Variants in NEMP2 observed in about 807,000 individuals in gnomAD.
The protein encoded by NEMP2 is UPF0571 transmembrane protein.
In NEMP2, 53 loss-of-function variants were observed where a neutral mutation model predicts 54.2. The ratio of observed to expected loss-of-function variants is 0.98; its 90% CI spans 0.78 to 1.23. The LOEUF is 1.23. NEMP2 is among the 50% of genes most tolerant of loss of function. The pLI is 0.00. For synonymous variants in NEMP2, 197 were observed against 190.3 expected (o/e 1.04, Z -0.29); for missense variants, 455 against 511.3 (o/e 0.89, Z 1.06).
chr2:190,481,675 T>C, the NEMP2 span, among the ~76,000 whole-genome samples: 1 of 152,260 alleles, frequency 6.6e-6, no homozygotes. Context: ...TAGCAGGCTA[T>C]CTGGCACATA....
chr2:190,578,879 G>T, the NEMP2 span, among the ~76,000 whole-genome samples: 1 of 152,134 alleles, frequency 6.6e-6, no homozygotes, highest in Non-Finnish European at 1.5e-5. This position sits in a 1 kb window ranked among gnomAD's most constrained non-coding sequence, Gnocchi z 4.4. Flanking sequence ...CTCCTTTGTG[G>T]GAACGGATCA....
the NEMP2 span, among the ~76,000 whole-genome samples, chr2:190,429,774 C>A: frequency 6.6e-6 from 1 of 151,922 alleles, no homozygotes; most frequent in South Asian, 2.1e-4. Context: ...GACTTTTAAA[C>A]CTATAATCTA....
chr2:190,423,966 G>GT, the NEMP2 span, among the ~76,000 whole-genome samples: 1 of 152,072 alleles, frequency 6.6e-6, no homozygotes, highest in African/African-American at 2.4e-5. This position sits in a 1 kb window ranked among gnomAD's most constrained non-coding sequence, Gnocchi z 4.3. Flanking sequence ...GTCCCTTCAC[G>GT]TTTTTTGTCC....
At chr2:190,502,690 CTGCTGAGGTACTGAGACCAT>C (rs1426346607), downstream of NEMP2, among the ~76,000 whole-genome samples, 4 of 152,216 alleles carry the variant, frequency 2.6e-5, no homozygotes, top group Admixed American at 2.6e-4. This position sits in a 1 kb window ranked among gnomAD's most constrained non-coding sequence, Gnocchi z 4.4. Flanking sequence ...CCTTCCAGTA[CTGCTGAGGTACTGAGACCAT>C]TACTTAGGCA....
At chr2:190,588,169 T>C in the NEMP2 span, among the ~76,000 whole-genome samples, 1 of 152,146 alleles carries the variant, frequency 6.6e-6, no homozygotes, top group Non-Finnish European at 1.5e-5. The surrounding 1 kb of genome is among the most constrained non-coding windows in gnomAD (Gnocchi z 5.0). Flanking sequence ...TCTCAGACAT[T>C]TTTGCAGTGG....
At chr2:190,463,235 C>A in the NEMP2 span, among the ~76,000 whole-genome samples, 1 of 152,130 alleles carries the variant, frequency 6.6e-6, no homozygotes, top group Non-Finnish European at 1.5e-5. This position sits in a 1 kb window ranked among gnomAD's most constrained non-coding sequence, Gnocchi z 4.4. Context: ...TCTTTCAAGG[C>A]CTATCCTTTA....
In NEMP2 at chr2:190,519,091, T is replaced by C. The variant is rs1355228086; in HGVS notation, c.306A>G (p.Lys102=). The C allele has an allele frequency of 6.4e-7, 1 of 1,551,166 alleles. No homozygotes were observed. Among genetic ancestry groups the C allele is most frequent in the Admixed American group, 2.0e-5 (1 of 51,006 alleles). The change falls in exon 3 of 9, where the codon AAA becomes AAG. Residue 102 remains lysine (K), a synonymous_variant. Coordinates refer to ENST00000409150, the MANE Select transcript of NEMP2 (RefSeq NM_001142645.2). This position sits in a 1 kb window ranked among gnomAD's most constrained non-coding sequence, Gnocchi z 5.4. ...GTATCCAAAAGTTATGAATCACACA[T>C]TTGATAAAAGATAGAATGTTTTCTG... ...QYPENILSFI[K]CVIHNFWIPK...
the NEMP2 span, among the ~76,000 whole-genome samples, chr2:190,434,651 C>A: frequency 2.0e-5 from 3 of 152,126 alleles, no homozygotes; most frequent in Admixed American, 6.5e-5. This position sits in a 1 kb window ranked among gnomAD's most constrained non-coding sequence, Gnocchi z 4.3. Context: ...CCAGGATGGT[C>A]TCAATCTCCT....
the NEMP2 span, chr2:190,624,533 C>T: frequency 2.6e-5 from 4 of 152,170 alleles, no homozygotes; most frequent in Admixed American, 2.0e-4. Flanking sequence ...ACTCTATTCA[C>T]AATAGCCAAG....
At chr2:190,619,568 G>A in the NEMP2 span, among the ~76,000 whole-genome samples, 2 of 151,984 alleles carry the variant, frequency 1.3e-5, no homozygotes, top group Non-Finnish European at 2.9e-5. This position sits in a 1 kb window ranked among gnomAD's most constrained non-coding sequence, Gnocchi z 5.5. Context: ...GAAATCATGA[G>A]ATGAAGTTAA....
the NEMP2 span, among the ~76,000 whole-genome samples, chr2:190,491,160 A>G: frequency 6.6e-6 from 1 of 152,228 alleles, no homozygotes; most frequent in Non-Finnish European, 1.5e-5. This position sits in a 1 kb window ranked among gnomAD's most constrained non-coding sequence, Gnocchi z 4.2. Context: ...AAAATAAGCA[A>G]TCAAATTTTA....
the NEMP2 span, chr2:190,489,951 A>G: frequency 1.7e-6 from 2 of 1,159,134 alleles, no homozygotes; most frequent in Non-Finnish European, 1.2e-6. The surrounding 1 kb of genome is among the most constrained non-coding windows in gnomAD (Gnocchi z 6.6). Flanking sequence ...TAGAAGTGGT[A>G]CAGAGTATAC....
chr2:190,639,635 A>AG, the NEMP2 span, among the ~76,000 whole-genome samples: 1 of 139,212 alleles, frequency 7.2e-6, no homozygotes, highest in African/African-American at 2.8e-5. Flanking sequence ...TTTATTGTTG[A>AG]GTTTTTTTTT....
At chr2:190,567,087 C>T in the NEMP2 span, among the ~76,000 whole-genome samples, 1 of 151,960 alleles carries the variant, frequency 6.6e-6, no homozygotes, top group East Asian at 1.9e-4. The surrounding 1 kb of genome is among the most constrained non-coding windows in gnomAD (Gnocchi z 4.0). Context: ...AATTTATAGC[C>T]TGAAAAATTA....
the NEMP2 span, among the ~76,000 whole-genome samples, chr2:190,491,120 A>C: frequency 6.6e-6 from 1 of 152,240 alleles, no homozygotes; most frequent in Non-Finnish European, 1.5e-5. The surrounding 1 kb of genome is among the most constrained non-coding windows in gnomAD (Gnocchi z 4.2). Context: ...ATTTAAAATC[A>C]TTAATTAAAC....
At chr2:190,422,698 G>T in the NEMP2 span, among the ~76,000 whole-genome samples, 1 of 152,152 alleles carries the variant, frequency 6.6e-6, no homozygotes, top group South Asian at 2.1e-4. Context: ...TTTATTCATT[G>T]TGTTAGGTAC....
At chr2:190,558,905 T>C in the NEMP2 span, among the ~76,000 whole-genome samples, 7 of 152,244 alleles carry the variant, frequency 4.6e-5, no homozygotes, top group Admixed American at 1.3e-4. The surrounding 1 kb of genome is among the most constrained non-coding windows in gnomAD (Gnocchi z 4.4). Flanking sequence ...TATGTGTATA[T>C]ATGAATATTA....
chr2:190,445,477 A>C, the NEMP2 span, among the ~76,000 whole-genome samples: 4 of 134,460 alleles, frequency 3.0e-5, no homozygotes, highest in Non-Finnish European at 6.4e-5. Context: ...AACCCCGACT[A>C]TACCCTGTTT....
chr2:190,435,657 C>T, the NEMP2 span, among the ~76,000 whole-genome samples: 1 of 152,182 alleles, frequency 6.6e-6, no homozygotes, highest in African/African-American at 2.4e-5. Flanking sequence ...ATTTTCAACT[C>T]TCTGTGTTTG....
Sources: gnomAD v4.1 joint callset for allele counts (sites outside exome capture counted in the v4.1 genomes callset) on GRCh38, gnomAD v4.1.1 for gene constraint, Gnocchi (gnomAD v3.1) non-coding constraint, MANE v1.5 for transcripts, NCBI Gene and HGNC (gene_info 2026-07-23, HGNC 2026-07-21) for gene names.